KIFAP3: variants seen among roughly 807,000 people sequenced by gnomAD.
KIFAP3 encodes the protein kinesin associated protein 3.
In KIFAP3, 68 loss-of-function variants were observed where a neutral mutation model predicts 106.5. That is an observed-to-expected ratio of 0.64 (90% CI 0.53 to 0.78). The LOEUF is 0.78. Ranked by LOEUF, KIFAP3 falls within the 30% of genes least tolerant of loss-of-function variation. The pLI is 0.00. For synonymous variants in KIFAP3, 320 were observed against 311.5 expected, an observed-to-expected ratio of 1.03 and a Z score of -0.29; for missense variants, 780 against 941.8, an observed-to-expected ratio of 0.83 and a Z score of 2.25.
At chr1:169,921,879 C>T (rs1662845580) in intron 19 of KIFAP3, 98 bp from the exon 20 acceptor site, 2 of 860,832 alleles carry the variant, frequency 2.3e-6, no homozygotes, top group South Asian at 3.0e-5. Context: ...AGATTCTCTT[C>T]CTAGCAGGGA....
chr1:170,065,153 G>A lies in KIFAP3; in HGVS notation c.32+9283C>T, dbSNP rs74965099. Among the ~76,000 whole-genome samples the A allele has an allele frequency of 7.2e-3, 1,098 of 152,112 alleles. 18 individuals carry two copies. Among genetic ancestry groups the A allele is most frequent in the African/African-American group, 0.024 (1,003 of 41,504 alleles). The stretch of plus-strand genomic sequence containing the variant: ...CTCCTCTGTAGTTTTTACAGTATAC[G>A]TTTTCTTAAAGCCTATTTTATCTGA... On this transcript the variant is annotated intron_variant, in intron 1 of 19. Coordinates refer to ENST00000361580, the MANE Select transcript of KIFAP3 (RefSeq NM_014970.4).
At chr1:170,069,079 CAA>C (rs1357292250) in intron 1 of KIFAP3, among the ~76,000 whole-genome samples, 1 of 151,560 alleles carries the variant, frequency 6.6e-6, no homozygotes, top group Admixed American at 6.6e-5. Flanking sequence ...TAAAAAATTA[CAA>C]GAGAATAATA....
At chr1:169,988,619 C>T (rs1666954478) in intron 11 of KIFAP3, among the ~76,000 whole-genome samples, 1 of 151,928 alleles carries the variant, frequency 6.6e-6, no homozygotes, top group Non-Finnish European at 1.5e-5. Context: ...ATATACATTA[C>T]TTTGAGTAGC....
At chr1:169,983,439 T>C in intron 12 of KIFAP3, 57 bp from the exon 13 acceptor site, 1 of 1,185,058 alleles carries the variant, frequency 8.4e-7, no homozygotes, top group Non-Finnish European at 1.2e-6. Context: ...AATAATTTTT[T>C]GTTTAGTTCT....
chr1:169,930,276 G>C (rs779631648), intron 19 of KIFAP3, among the ~76,000 whole-genome samples: 1 of 152,136 alleles, frequency 6.6e-6, no homozygotes, highest in African/African-American at 2.4e-5. Flanking sequence ...CTTGCTGTTA[G>C]AGCGCTTGTC....
chr1:169,928,879 T>C (rs1023438544), intron 19 of KIFAP3, among the ~76,000 whole-genome samples: 1 of 152,060 alleles, frequency 6.6e-6, no homozygotes, highest in African/African-American at 2.4e-5. Context: ...GCTGTGGTAT[T>C]CCATGGAGAT....
At chr1:169,922,473 A>G (rs982568544) in intron 19 of KIFAP3, among the ~76,000 whole-genome samples, 1 of 152,236 alleles carries the variant, frequency 6.6e-6, no homozygotes, top group Non-Finnish European at 1.5e-5. Context: ...CAGAAACCCA[A>G]AGATAACCTT....
chr1:170,033,570 G>A (rs1396029188), intron 7 of KIFAP3, among the ~76,000 whole-genome samples: 3 of 151,680 alleles, frequency 2.0e-5, no homozygotes, highest in South Asian at 2.1e-4. Context: ...TGAGTTTAGA[G>A]GCTAAAATAT....
intron 9 of KIFAP3, among the ~76,000 whole-genome samples, chr1:170,019,369 C>T (rs917322299): frequency 5.9e-5 from 9 of 152,008 alleles, no homozygotes; most frequent in Admixed American, 4.6e-4. Flanking sequence ...CAGACCAAGA[C>T]ATTAGGAGAA....
intron 2 of KIFAP3, among the ~76,000 whole-genome samples, chr1:170,048,236 G>A (rs1450824715): frequency 1.3e-5 from 2 of 150,602 alleles, no homozygotes; most frequent in African/African-American, 4.9e-5. Context: ...TTGCTAGAGT[G>A]CCTTCTAATG....
chr1:169,953,353 G>A (rs2101842112), intron 19 of KIFAP3, among the ~76,000 whole-genome samples: 1 of 152,022 alleles, frequency 6.6e-6, no homozygotes, highest in Admixed American at 6.5e-5. Context: ...CTATGTCTTG[G>A]GTAATTGTTA....
At chr1:170,073,907 T>C (rs1027918785) in intron 1 of KIFAP3, among the ~76,000 whole-genome samples, 1 of 152,204 alleles carries the variant, frequency 6.6e-6, no homozygotes, top group South Asian at 2.1e-4. Flanking sequence ...GGGAGTCAAA[T>C]GGATGACATG....
chr1:169,959,249 T>C (rs1053383701), intron 18 of KIFAP3, among the ~76,000 whole-genome samples: 2 of 152,190 alleles, frequency 1.3e-5, no homozygotes, highest in Non-Finnish European at 2.9e-5. Flanking sequence ...GAGGCTGATA[T>C]TATCTAGATT....
chr1:170,075,259 G>A (rs1217345786), upstream of KIFAP3, among the ~76,000 whole-genome samples: 1 of 152,230 alleles, frequency 6.6e-6, no homozygotes, highest in Non-Finnish European at 1.5e-5. Context: ...CAGGGCATAG[G>A]AAAGAAGGGT....
At chr1:170,041,261 A>AGACT (rs1017786212) in intron 3 of KIFAP3, among the ~76,000 whole-genome samples, 1 of 152,240 alleles carries the variant, frequency 6.6e-6, no homozygotes, top group Non-Finnish European at 1.5e-5. Flanking sequence ...GGATGAAGAG[A>AGACT]GACTGACTAA....
intron 8 of KIFAP3, among the ~76,000 whole-genome samples, chr1:170,027,935 T>C (rs1406578103): frequency 6.6e-6 from 1 of 152,056 alleles, no homozygotes; most frequent in Non-Finnish European, 1.5e-5. Context: ...TATTAATATA[T>C]AGACAAAGAT....
chr1:170,080,674 C>T (rs962699877), intron 1 of KIFAP3, among the ~76,000 whole-genome samples: 29 of 152,174 alleles, frequency 1.9e-4, no homozygotes, highest in African/African-American at 5.5e-4. Flanking sequence ...GTTGCAGAAA[C>T]GGTGCAGAGA....
intron 15 of KIFAP3, among the ~76,000 whole-genome samples, chr1:169,979,455 A>T: frequency 6.6e-6 from 1 of 152,196 alleles, no homozygotes; most frequent in East Asian, 1.9e-4. Flanking sequence ...AATTAAAAAA[A>T]CTCAAAAGAG....
chr1:170,043,229 T>C (rs1251757951), intron 3 of KIFAP3, among the ~76,000 whole-genome samples: 1 of 152,188 alleles, frequency 6.6e-6, no homozygotes, highest in African/African-American at 2.4e-5. Flanking sequence ...CTGGGAGCAG[T>C]GTCTTTGGTT....
Sources: allele counts gnomAD v4.1 joint callset (sites outside exome capture counted in the v4.1 genomes callset), GRCh38; gene constraint gnomAD v4.1.1; transcripts MANE v1.5; gene names NCBI Gene and HGNC (gene_info 2026-07-23, HGNC 2026-07-21).